Variants in CDKAL1 observed in about 807,000 individuals in gnomAD.
The protein encoded by CDKAL1 is CDKAL1 threonylcarbamoyladenosine tRNA methylthiotransferase.
A neutral mutation model predicts 68.2 loss-of-function variants in CDKAL1; 32 were observed. That is an observed-to-expected ratio of 0.47 (90% confidence interval 0.35 to 0.63). The LOEUF is 0.63. Among genes scored for constraint, CDKAL1 ranks in the 30% least tolerant of loss-of-function variants. CDKAL1 has a pLI of 0.00. For missense variants in CDKAL1, 606 were observed against 696.7 expected (o/e 0.87, Z 1.47); for synonymous variants, 234 against 244.3 (o/e 0.96, Z 0.39).
At chr6:20,552,037 G>GAA (rs1295877569) in intron 4 of CDKAL1, among the ~76,000 whole-genome samples, 4 of 95,914 alleles carry the variant, frequency 4.2e-5, no homozygotes, top group Non-Finnish European at 4.4e-5. Flanking sequence ...ATACCCTAAG[G>GAA]AAAAAAAAAA....
At chr6:21,013,296 C>G (rs1768120471) in intron 11 of CDKAL1, among the ~76,000 whole-genome samples, 1 of 152,142 alleles carries the variant, frequency 6.6e-6, no homozygotes, top group African/African-American at 2.4e-5. Flanking sequence ...CTCTCTCTCT[C>G]TTTTCTTTCT....
chr6:20,656,482 C>CTT lies in CDKAL1; in HGVS notation c.371+7115_371+7116dup, dbSNP rs879580546. 2.1e-5 allele frequency among the ~76,000 whole-genome samples: 3 copies of CTT among 142,414 alleles called. No individual in the cohort carries two copies. The East Asian group carries it at 6.1e-4, about 29-fold the overall frequency. 93.4% of individuals were successfully genotyped at this position (142,414 alleles called of 152,430 possible). ...AGATGCTGTCCGTTTTCAGAGAATG[C>CTT]TTTTTTTTTTTAATGAGAAGCCTGT... On this transcript the variant is annotated intron_variant, in intron 5 of 15. Coordinates refer to ENST00000274695, the MANE Select transcript of CDKAL1 (RefSeq NM_017774.3).
At chr6:20,947,912 C>T (rs1029505456) in intron 9 of CDKAL1, among the ~76,000 whole-genome samples, 11 of 151,384 alleles carry the variant, frequency 7.3e-5, no homozygotes, top group Admixed American at 6.6e-4. Context: ...CATTGTAAGT[C>T]GGGCATCATC....
chr6:21,166,307 C>T (rs566473124), intron 13 of CDKAL1, among the ~76,000 whole-genome samples: 9 of 152,152 alleles, frequency 5.9e-5, no homozygotes, highest in Admixed American at 2.0e-4. Context: ...TGAAAGCAGA[C>T]TTTATTCTGT....
chr6:21,165,587 AAAC>A (rs1354933578), intron 13 of CDKAL1, among the ~76,000 whole-genome samples: 24 of 152,360 alleles, frequency 1.6e-4, no homozygotes, highest in Admixed American at 1.5e-3. Context: ...CTCGTAGAAG[AAAC>A]AACATTAGTA....
At chr6:20,645,749 TAAATA>T (rs1768417139) in intron 4 of CDKAL1, among the ~76,000 whole-genome samples, 1 of 137,918 alleles carries the variant, frequency 7.3e-6, no homozygotes, top group Non-Finnish European at 1.6e-5. Flanking sequence ...AATAAATAAA[TAAATA>T]AAAATAAATA....
intron 4 of CDKAL1, among the ~76,000 whole-genome samples, chr6:20,581,560 C>A (rs1169001434): frequency 2.0e-5 from 3 of 152,118 alleles, no homozygotes; most frequent in Non-Finnish European, 2.9e-5. Context: ...CATTAACTTT[C>A]ACTTTTAATG....
intron 4 of CDKAL1, among the ~76,000 whole-genome samples, chr6:20,592,942 A>C (rs1168629604): frequency 6.6e-6 from 1 of 151,974 alleles, no homozygotes; most frequent in Non-Finnish European, 1.5e-5. Flanking sequence ...GTTTTTTGTC[A>C]TTGGTTCTGT....
intron 8 of CDKAL1, among the ~76,000 whole-genome samples, chr6:20,791,278 A>T (rs1289859389): frequency 3.3e-5 from 5 of 152,224 alleles, no homozygotes; most frequent in Non-Finnish European, 7.3e-5. Context: ...AATGCCTGGC[A>T]CATAGTATCT....
At chr6:20,738,647 C>T (rs2150323147) in intron 5 of CDKAL1, among the ~76,000 whole-genome samples, 1 of 152,050 alleles carries the variant, frequency 6.6e-6, no homozygotes, top group Admixed American at 6.5e-5. Flanking sequence ...TACAGACACG[C>T]CCCACCATGC....
At chr6:20,559,499 T>C (rs1466854929) in intron 4 of CDKAL1, 1 of 152,206 alleles carries the variant, frequency 6.6e-6, no homozygotes. Context: ...TTAATCTTTT[T>C]TTGTTGTCTT....
In CDKAL1 at chr6:21,214,882, A is replaced by G. The variant is rs576936379; in HGVS notation, c.1548+13608A>G. Among the ~76,000 whole-genome samples, 30 of 151,260 alleles carry G rather than the reference A, an allele frequency of 2.0e-4. No homozygotes were observed. The East Asian group carries it at 5.4e-3, about 27-fold the overall frequency. ...TCAGTAAACGTCTGTTGGATGAATG[A>G]ATGAATGAATGAATGAATGAATGAA... On this transcript the variant is annotated intron_variant, in intron 15 of 15. Transcript: ENST00000274695.
At chr6:21,212,345 C>G (rs1779185482) in intron 15 of CDKAL1, among the ~76,000 whole-genome samples, 1 of 152,116 alleles carries the variant, frequency 6.6e-6, no homozygotes, top group Admixed American at 6.6e-5. Context: ...AAAAAAAAAT[C>G]ACAGTCAAGC....
At chr6:20,665,786 G>A (rs554263937) in intron 5 of CDKAL1, among the ~76,000 whole-genome samples, 6 of 152,048 alleles carry the variant, frequency 3.9e-5, no homozygotes, top group South Asian at 2.1e-4. Context: ...GTAAAATGGA[G>A]ATAGGTTCTA....
chr6:20,893,855 G>A (rs1196089508), intron 9 of CDKAL1, among the ~76,000 whole-genome samples: 3 of 152,150 alleles, frequency 2.0e-5, no homozygotes, highest in African/African-American at 7.2e-5. Context: ...TACTGATGAT[G>A]ATGATGATGA....
intron 14 of CDKAL1, among the ~76,000 whole-genome samples, chr6:21,198,537 G>A (rs903505946): frequency 6.6e-6 from 1 of 152,186 alleles, no homozygotes. Flanking sequence ...TGGTTGATTG[G>A]TTGGTTGGTT....
intron 4 of CDKAL1, among the ~76,000 whole-genome samples, chr6:20,564,425 A>C (rs1764380640): frequency 6.6e-6 from 1 of 152,198 alleles, no homozygotes; most frequent in African/African-American, 2.4e-5. Context: ...GCATTTTTTG[A>C]TGAAAAAGTG....
intron 13 of CDKAL1, among the ~76,000 whole-genome samples, chr6:21,115,676 C>T (rs975403625): frequency 6.6e-6 from 1 of 152,126 alleles, no homozygotes; most frequent in African/African-American, 2.4e-5. Context: ...TGATGAGATT[C>T]CCTATTGTTT....
chr6:20,810,677 A>T (rs1581625102), intron 8 of CDKAL1, among the ~76,000 whole-genome samples: 1 of 32,414 alleles, frequency 3.1e-5, no homozygotes, highest in South Asian at 7.1e-4. Flanking sequence ...ATATATTGCT[A>T]AAAAAAAAAA....
Sources: allele counts gnomAD v4.1 joint callset (sites outside exome capture counted in the v4.1 genomes callset), GRCh38; gene constraint gnomAD v4.1.1; transcripts MANE v1.5; gene names NCBI Gene and HGNC (gene_info 2026-07-23, HGNC 2026-07-21).